The following PCDHGA5 variants were observed in gnomAD, a reference collection of about 807,000 sequenced individuals.
PCDHGA5 encodes the protein protocadherin gamma-A5.
Under a neutral mutation model 56.7 loss-of-function variants are expected in PCDHGA5, and 36 were observed. The observed-to-expected ratio is 0.64, with a 90% CI of 0.49 to 0.84. The LOEUF (loss-of-function observed/expected upper bound fraction) is 0.84. Among genes scored for constraint, PCDHGA5 ranks in the 40% least tolerant of loss-of-function variants. The probability of loss-of-function intolerance (pLI) is 0.00; values close to 1 mark genes in which losing one functional copy is unlikely to be tolerated. For missense variants in PCDHGA5, 1,305 were observed against 1,201.5 expected (o/e 1.09, Z -1.27); for synonymous variants, 563 against 520.2 (o/e 1.08, Z -1.12).
Position 141,431,435 on chromosome 5 carries a change from G to T in PCDHGA5, c.2422-63372G>T. On this transcript the variant is annotated intron_variant, in intron 1 of 3. Coordinates refer to ENST00000518069, the MANE Select transcript of PCDHGA5 (RefSeq NM_018918.3). This position sits in a 1 kb window ranked among gnomAD's most constrained non-coding sequence, Gnocchi z 4.8. The stretch of plus-strand genomic sequence containing the variant: ...GGGCGACCCGGTGCGCACAGGCACC[G>T]CGCGCATCCGCGTGATGGTTCTGGA... The T allele has an allele frequency of 6.2e-7, 1 of 1,613,668 alleles. No individual in the cohort carries two copies. Among genetic ancestry groups the T allele is most frequent in the Non-Finnish European group, 8.5e-7 (1 of 1,180,026 alleles).
chr5:141,496,164 C>A (rs745320704), intron 2 of PCDHGA5, among the ~76,000 whole-genome samples: 1 of 152,084 alleles, frequency 6.6e-6, no homozygotes, highest in East Asian at 1.9e-4. Flanking sequence ...CCACCAGACA[C>A]CCTCCCATCC....
chr5:141,395,237 G>C (rs760516487), intron 1 of PCDHGA5: 2 of 1,590,946 alleles, frequency 1.3e-6, no homozygotes, highest in Non-Finnish European at 8.6e-7. Flanking sequence ...ATCATGGTCA[G>C]GTGAGTTTAG....
At chr5:141,482,755 T>TGAAGTGGGAG (rs1554165462) in intron 1 of PCDHGA5, among the ~76,000 whole-genome samples, 1 of 143,580 alleles carries the variant, frequency 7.0e-6, no homozygotes, top group South Asian at 2.1e-4. Context: ...GGGATTATGG[T>TGAAGTGGGAG]ATTTCATTAT....
In PCDHGA5 at chr5:141,432,220, C is replaced by A. The variant is rs949257429; in HGVS notation, c.2422-62587C>A. ...CCGACTGTGAAGAGAACGCCCAGAT[C>A]ACTTATTCCCTGGCTGAGAACACCA... On this transcript the variant is annotated intron_variant, in intron 1 of 3. Coordinates refer to ENST00000518069, the MANE Select transcript of PCDHGA5 (RefSeq NM_018918.3). This position sits in a 1 kb window ranked among gnomAD's most constrained non-coding sequence, Gnocchi z 6.0. The A allele has an allele frequency of 2.5e-6, 4 of 1,614,246 alleles. No homozygotes were observed. The highest frequency in any genetic ancestry group is 1.6e-4 in the Middle Eastern group (1 of 6,062).
rs2099669219 is a variant in PCDHGA5, at chr5:141,487,927, C to T, written c.2422-6880C>T. 3 of 626,498 alleles carry T rather than the reference C, an allele frequency of 4.8e-6. No homozygotes were observed. Among genetic ancestry groups the T allele is most frequent in the Admixed American group, 5.9e-5 (2 of 34,100 alleles). The allele number at this position is 626,498 out of a possible 1,614,324, so 38.8% of individuals were successfully genotyped here. On this transcript the variant is annotated intron_variant, in intron 1 of 3. Coordinates refer to ENST00000518069, the MANE Select transcript of PCDHGA5 (RefSeq NM_018918.3). The surrounding 1 kb of genome is among the most constrained non-coding windows in gnomAD (Gnocchi z 5.0). ...TGGGAGCACAGGAGGCTACAGTGCA[C>T]AGGGTACAGTGCACCAGGCAGTCAC...
At chr5:141,405,240 C>G (rs2094630274) in intron 1 of PCDHGA5, 4 of 1,614,136 alleles carry the variant, frequency 2.5e-6, no homozygotes, top group African/African-American at 2.7e-5. Context: ...ACCGCTGACT[C>G]AAGGAAGAGT....
At chr5:141,408,428 A>C (rs1397543407) in intron 1 of PCDHGA5, 1 of 1,614,076 alleles carries the variant, frequency 6.2e-7, no homozygotes, top group South Asian at 1.1e-5. Flanking sequence ...GCTGCACTTC[A>C]GCGTAGACGC....
chr5:141,371,365 G>T, intron 1 of PCDHGA5: 1 of 1,614,006 alleles, frequency 6.2e-7, no homozygotes, highest in South Asian at 1.1e-5. Flanking sequence ...GCAAAGGATG[G>T]TGGACATCAC....
At chr5:141,408,353 G>A (rs1218585930) in intron 1 of PCDHGA5, 1 of 1,613,816 alleles carries the variant, frequency 6.2e-7, no homozygotes, top group Non-Finnish European at 8.5e-7. Flanking sequence ...GGGGAACCTC[G>A]CTAAGGATCT....
chr5:141,404,475 A>G, intron 1 of PCDHGA5: 1 of 1,613,732 alleles, frequency 6.2e-7, no homozygotes, highest in Non-Finnish European at 8.5e-7. Flanking sequence ...GTCTCTATTA[A>G]CTCAGACACT....
chr5:141,435,467 G>A (rs1019246812), intron 1 of PCDHGA5, among the ~76,000 whole-genome samples: 3 of 152,146 alleles, frequency 2.0e-5, no homozygotes, highest in Non-Finnish European at 2.9e-5. Context: ...GTGTTTCCAA[G>A]TTAGACATTT....
In PCDHGA5 at chr5:141,491,961, G is replaced by A. The variant is rs891299192; in HGVS notation, c.2422-2846G>A. 3 of 970,010 alleles carry A rather than the reference G, an allele frequency of 3.1e-6. No individual in the cohort carries two copies. The highest frequency in any genetic ancestry group is 4.3e-6 in the Non-Finnish European group (3 of 693,098). 60.1% of individuals were successfully genotyped at this position (970,010 alleles called of 1,614,324 possible). On this transcript the variant is annotated intron_variant, in intron 1 of 3. Transcript: ENST00000518069. This position sits in a 1 kb window ranked among gnomAD's most constrained non-coding sequence, Gnocchi z 6.9. ...GACCCCCACCCCTACACTCAAAAAAGGCCGGGGCCTCCTTCGAGCTTCCGG... is the reference window on the plus strand; with the variant it reads ...GACCCCCACCCCTACACTCAAAAAAAGCCGGGGCCTCCTTCGAGCTTCCGG...
intron 1 of PCDHGA5, chr5:141,418,920 A>G: frequency 6.2e-7 from 1 of 1,613,992 alleles, no homozygotes; most frequent in Non-Finnish European, 8.5e-7. Flanking sequence ...TCACTCTCTG[A>G]TCAGATTATG....
chr5:141,415,552 G>T (rs1244457142), intron 1 of PCDHGA5: 3 of 1,613,980 alleles, frequency 1.9e-6, no homozygotes, highest in African/African-American at 2.7e-5. Flanking sequence ...TGAGAAAAAC[G>T]ATCCTTTGTC....
intron 1 of PCDHGA5, chr5:141,415,889 T>C: frequency 2.1e-6 from 2 of 942,152 alleles, no homozygotes; most frequent in Non-Finnish European, 2.9e-6. Context: ...TATTGACAAT[T>C]CCTAAGACAG....
rs1271891195 is a variant in PCDHGA5, at chr5:141,477,108, C to A, written c.2422-17699C>A. The A allele has an allele frequency of 2.5e-6, 4 of 1,614,232 alleles. No individual in the cohort carries two copies. Among genetic ancestry groups the A allele is most frequent in the Non-Finnish European group, 2.5e-6 (3 of 1,180,046 alleles). ...CAGGCCAAAGACAAGGGCGCCAATCCCGAAGGAGCACATTGCAAAGTGTTG... is the reference window on the plus strand; with the variant it reads ...CAGGCCAAAGACAAGGGCGCCAATCACGAAGGAGCACATTGCAAAGTGTTG... On this transcript the variant is annotated intron_variant, in intron 1 of 3. Coordinates refer to ENST00000518069, the MANE Select transcript of PCDHGA5 (RefSeq NM_018918.3). The surrounding 1 kb of genome is among the most constrained non-coding windows in gnomAD (Gnocchi z 4.9).
At chr5:141,383,236 A>G in intron 1 of PCDHGA5, 1 of 1,613,978 alleles carries the variant, frequency 6.2e-7, no homozygotes, top group Non-Finnish European at 8.5e-7. Context: ...GATGGAAGAT[A>G]AAATGAATCT....
chr5:141,393,910 T>C, intron 1 of PCDHGA5: 1 of 1,613,998 alleles, frequency 6.2e-7, no homozygotes, highest in Admixed American at 1.7e-5. Flanking sequence ...GGGACAGTAA[T>C]TGCCTTCTTG....
At chr5:141,389,823 G>A in intron 1 of PCDHGA5, 3 of 1,613,944 alleles carry the variant, frequency 1.9e-6, no homozygotes, top group Non-Finnish European at 2.5e-6. Context: ...CGTGCGTGAC[G>A]GTGGACAGCC....
Sources: gnomAD v4.1 joint callset for allele counts (sites outside exome capture counted in the v4.1 genomes callset) on GRCh38, gnomAD v4.1.1 for gene constraint, Gnocchi (gnomAD v3.1) non-coding constraint, MANE v1.5 for transcripts, NCBI Gene and HGNC (gene_info 2026-07-23, HGNC 2026-07-21) for gene names.